GNAL: variants seen among roughly 807,000 people sequenced by gnomAD.
GNAL encodes guanine nucleotide-binding protein G(olf) subunit alpha.
GNAL carries 18 observed loss-of-function variants against 55.1 expected under a neutral mutation model. The ratio of observed to expected loss-of-function variants is 0.33; its 90% CI spans 0.23 to 0.48. GNAL has a LOEUF of 0.48. GNAL is among the 20% of genes least tolerant of loss of function. The pLI is 0.99. For synonymous variants in GNAL, 253 were observed against 237.0 expected, an observed-to-expected ratio of 1.07 and a Z score of -0.62; for missense variants, 412 against 614.1, an observed-to-expected ratio of 0.67 and a Z score of 3.48.
intron 5 of GNAL, among the ~76,000 whole-genome samples, chr18:11,825,697 C>G (rs1598409980): frequency 7.0e-6 from 1 of 143,382 alleles, no homozygotes; most frequent in Non-Finnish European, 1.5e-5. Flanking sequence ...CGCCCTTGCA[C>G]TCTGGCCTGG....
At chr18:11,757,086 TGA>T (rs1390500151) in intron 4 of GNAL, among the ~76,000 whole-genome samples, 1 of 152,146 alleles carries the variant, frequency 6.6e-6, no homozygotes, top group Admixed American at 6.5e-5. Context: ...ACAAACATCT[TGA>T]GAATTTTCTC....
At chr18:11,734,022 T>C (rs2032403425) in intron 1 of GNAL, among the ~76,000 whole-genome samples, 1 of 152,124 alleles carries the variant, frequency 6.6e-6, no homozygotes, top group Non-Finnish European at 1.5e-5. Context: ...GGGATGAAGA[T>C]GTGGGGTGGC....
chr18:11,747,782 A>G (rs913848408), intron 1 of GNAL, among the ~76,000 whole-genome samples: 5 of 152,066 alleles, frequency 3.3e-5, no homozygotes, highest in African/African-American at 1.2e-4. Context: ...TGAGGAAACA[A>G]CTGTTTTACT....
At chr18:11,690,525 T>C (rs1364150539) in intron 1 of GNAL, among the ~76,000 whole-genome samples, 1 of 151,452 alleles carries the variant, frequency 6.6e-6, no homozygotes, top group African/African-American at 2.4e-5. Context: ...TAGTTACATA[T>C]GTATACATGT....
intron 1 of GNAL, among the ~76,000 whole-genome samples, chr18:11,701,757 C>T (rs564786286): frequency 1.3e-5 from 2 of 152,144 alleles, no homozygotes; most frequent in South Asian, 4.1e-4. Flanking sequence ...CCTAATAGAA[C>T]TGATGCTTCA....
intron 1 of GNAL, among the ~76,000 whole-genome samples, chr18:11,715,152 A>AAAG (rs557520953): frequency 0.016 from 2,439 of 150,698 alleles, 45 homozygotes; most frequent in African/African-American, 0.051. Flanking sequence ...CTCAAAAAAA[A>AAAG]AAAGAAAGAA....
Position 11,693,741 on chromosome 18 carries a change from CTTTTT to C in GNAL, c.376+3817_376+3821del, listed in dbSNP as rs576637274. Among the ~76,000 whole-genome samples the C allele has an allele frequency of 2.7e-5, 3 of 110,966 alleles. No homozygotes were observed. In the South Asian group the frequency reaches 9.5e-4, roughly 35 times the overall value. 72.8% of individuals were successfully genotyped at this position (110,966 alleles called of 152,430 possible). ...GAAGGTGCACTTGCTCCAGCAGTGTCTTTTTTTTTTTTTTTTTTTAATCCCAACAC... is the reference window on the plus strand; with the variant it reads ...GAAGGTGCACTTGCTCCAGCAGTGTCTTTTTTTTTTTTTTAATCCCAACAC... On this transcript the variant is annotated intron_variant, in intron 1 of 11. Coordinates refer to ENST00000334049, the MANE Select transcript of GNAL (RefSeq NM_182978.4).
Position 11,752,706 on chromosome 18 carries a change from G to T in GNAL, c.377-147G>T. The stretch of plus-strand genomic sequence containing the variant: ...CACCTCTGGGCCGCGGAGCCCAGAC[G>T]GCGGCCGGGGCGAGCTCCTCCAGCC... On this transcript the variant is annotated intron_variant, in intron 1 of 11. Transcript: ENST00000334049. This position sits in a 1 kb window ranked among gnomAD's most constrained non-coding sequence, Gnocchi z 4.5. The T allele has an allele frequency of 8.5e-7, 1 of 1,178,802 alleles. No homozygotes were observed. The highest frequency in any genetic ancestry group is 1.7e-5 in the South Asian group (1 of 59,036). 73.0% of individuals were successfully genotyped at this position (1,178,802 alleles called of 1,614,324 possible).
At chr18:11,799,665 C>G (rs1248607180) in intron 4 of GNAL, among the ~76,000 whole-genome samples, 2 of 152,126 alleles carry the variant, frequency 1.3e-5, no homozygotes, top group Non-Finnish European at 2.9e-5. Flanking sequence ...ATTAGGGATG[C>G]TCAACCTACG....
At chr18:11,863,385 G>A (rs1020630712) in intron 6 of GNAL, among the ~76,000 whole-genome samples, 1 of 152,186 alleles carries the variant, frequency 6.6e-6, no homozygotes, top group Admixed American at 6.5e-5. Context: ...TTCCCTGCAA[G>A]GCCTTGGCCC....
chr18:11,867,283 C>T, intron 8 of GNAL, 57 bp downstream of exon 8: 1 of 986,884 alleles, frequency 1.0e-6, no homozygotes, highest in African/African-American at 1.6e-5. Context: ...CTCAGCACTG[C>T]TGTGCTTAAC....
At chr18:11,783,639 T>G (rs1488714560) in intron 4 of GNAL, among the ~76,000 whole-genome samples, 1 of 152,260 alleles carries the variant, frequency 6.6e-6, no homozygotes, top group African/African-American at 2.4e-5. Context: ...TTTTGCATTT[T>G]CTAGCAGCCA....
intron 1 of GNAL, among the ~76,000 whole-genome samples, chr18:11,694,398 AC>A (rs1374711344): frequency 6.6e-6 from 1 of 152,060 alleles, no homozygotes; most frequent in Non-Finnish European, 1.5e-5. Context: ...AGGACGTAGC[AC>A]CCCACACAAT....
At position 11,882,751 on chromosome 18, in the gene GNAL, C is replaced by T. The variant is rs1781484052; in HGVS notation, c.*1616C>T. 6.7e-6 allele frequency: 1 copy of T among 148,588 alleles called. No homozygotes were observed. The highest frequency in any genetic ancestry group is 2.5e-5 in the African/African-American group (1 of 40,192). 9.2% of individuals were successfully genotyped at this position (148,588 alleles called of 1,614,324 possible). A position where few individuals can be genotyped will look rare whatever the true frequency, so the allele number is the denominator to read the frequency against. On this transcript the variant is annotated 3_prime_UTR_variant, in exon 12 of 12. Coordinates refer to ENST00000334049, the MANE Select transcript of GNAL (RefSeq NM_182978.4). ...GTCTGGCCTAGGAGAATGAGGATGACAGCTTCACTTGCCTTTTGAAGAAGA... is the reference window on the plus strand; with the variant it reads ...GTCTGGCCTAGGAGAATGAGGATGATAGCTTCACTTGCCTTTTGAAGAAGA...
At chr18:11,746,891 C>T (rs1325438870) in intron 1 of GNAL, 1 of 539,540 alleles carries the variant, frequency 1.9e-6, no homozygotes, top group African/African-American at 1.9e-5. Flanking sequence ...CACTCAGGCT[C>T]TGGATGAAGT....
chr18:11,695,601 A>G (rs746505587), intron 1 of GNAL, among the ~76,000 whole-genome samples: 8 of 152,180 alleles, frequency 5.3e-5, no homozygotes, highest in Admixed American at 1.3e-4. Context: ...TGTGTTCACT[A>G]CCTTCCTGCT....
chr18:11,864,087 T>C (rs2036206990), intron 6 of GNAL, among the ~76,000 whole-genome samples: 1 of 108,638 alleles, frequency 9.2e-6, no homozygotes, highest in South Asian at 2.6e-4. Flanking sequence ...GTCTGAGTTC[T>C]TTTTTTTTTT....
chr18:11,746,472 T>C, intron 1 of GNAL: 1 of 244,710 alleles, frequency 4.1e-6, no homozygotes, highest in Non-Finnish European at 8.1e-6. Flanking sequence ...TACCCAGGAG[T>C]GGTGGCACAT....
intron 1 of GNAL, among the ~76,000 whole-genome samples, chr18:11,708,845 G>A (rs1406713527): frequency 1.3e-5 from 2 of 152,162 alleles, no homozygotes; most frequent in Admixed American, 6.5e-5. Flanking sequence ...TGCCTGTGCT[G>A]TTGGTGTCAT....
Sources: allele counts gnomAD v4.1 joint callset (sites outside exome capture counted in the v4.1 genomes callset), GRCh38; gene constraint gnomAD v4.1.1; non-coding constraint Gnocchi (gnomAD v3.1); transcripts MANE v1.5; gene names NCBI Gene and HGNC (gene_info 2026-07-23, HGNC 2026-07-21).